The following RBFOX1 variants were observed in gnomAD, a reference collection of about 807,000 sequenced individuals.
RBFOX1 encodes RNA binding fox-1 homolog 1.
A neutral mutation model predicts 57.7 loss-of-function variants in RBFOX1; 8 were observed. The observed-to-expected ratio is 0.14, with a 90% CI of 0.08 to 0.25. The LOEUF (loss-of-function observed/expected upper bound fraction) is 0.25. RBFOX1 is among the 10% of genes least tolerant of loss of function. The pLI, the probability that RBFOX1 is intolerant of heterozygous loss-of-function variation, is 1.00. For synonymous variants in RBFOX1, 326 were observed against 222.4 expected, an observed-to-expected ratio of 1.47 and a Z score of -4.15; for missense variants, 611 against 548.5, an observed-to-expected ratio of 1.11 and a Z score of -1.14.
At chr16:6,918,773 C>G (rs1193235938) in intron 3 of RBFOX1, among the ~76,000 whole-genome samples, 1 of 152,068 alleles carries the variant, frequency 6.6e-6, no homozygotes, top group Admixed American at 6.6e-5. Flanking sequence ...GTTAATTAAT[C>G]TTGGGCATAG....
In RBFOX1 at chr16:6,458,387, AT is replaced by A. The variant is rs1443116727; in HGVS notation, c.-64+141332del. Among the ~76,000 whole-genome samples the A allele has an allele frequency of 4.3e-4, 65 of 152,204 alleles. 1 individual carries two copies. Among genetic ancestry groups the A allele is most frequent in the Non-Finnish European group, 2.4e-4 (16 of 68,040 alleles). ...CCTCTAAGGCTTCATTTCTCCATCT[AT>A]TAATGAAGATAGCCGTAGAACCAGA... On this transcript the variant is annotated intron_variant, in intron 2 of 15. Transcript: ENST00000550418.
chr16:6,332,396 G>T (rs2083148376), intron 2 of RBFOX1, among the ~76,000 whole-genome samples: 1 of 152,122 alleles, frequency 6.6e-6, no homozygotes, highest in South Asian at 2.1e-4. Flanking sequence ...CAAAATTTCA[G>T]AACATATGAA....
intron 1 of RBFOX1, among the ~76,000 whole-genome samples, chr16:5,300,587 A>AT (rs556318451): frequency 6.2e-4 from 95 of 152,260 alleles, no homozygotes; most frequent in Admixed American, 1.7e-3. Context: ...TATATTATTT[A>AT]TTTTTTAAAG....
intron 3 of RBFOX1, among the ~76,000 whole-genome samples, chr16:6,777,400 G>A (rs964590420): frequency 9.9e-5 from 15 of 152,028 alleles, no homozygotes; most frequent in Admixed American, 3.9e-4. Context: ...GCAGGCGCTC[G>A]GGGAATGGAA....
chr16:5,590,171 C>A (rs62016886), intron 2 of RBFOX1, among the ~76,000 whole-genome samples: 1 of 151,512 alleles, frequency 6.6e-6, no homozygotes, highest in Non-Finnish European at 1.5e-5. Context: ...CTTTTTTTTC[C>A]TGCAGTCTGA....
At chr16:6,129,387 G>T (rs1234985218) in intron 1 of RBFOX1, among the ~76,000 whole-genome samples, 2 of 152,098 alleles carry the variant, frequency 1.3e-5, no homozygotes, top group Non-Finnish European at 2.9e-5. Flanking sequence ...AATAAGCAAG[G>T]CACTTGAACA....
At chr16:6,877,778 A>C (rs960996151) in intron 3 of RBFOX1, among the ~76,000 whole-genome samples, 2 of 152,016 alleles carry the variant, frequency 1.3e-5, no homozygotes, top group African/African-American at 4.8e-5. Context: ...AAATTGCTTT[A>C]ACGCATGCAG....
chr16:5,781,076 A>G (rs1253043571), intron 3 of RBFOX1, among the ~76,000 whole-genome samples: 1 of 152,134 alleles, frequency 6.6e-6, no homozygotes, highest in African/African-American at 2.4e-5. Context: ...ACTTTTAAAA[A>G]CCATTCTCCT....
chr16:7,583,229 T>C (rs982935971), intron 6 of RBFOX1, among the ~76,000 whole-genome samples: 1 of 151,536 alleles, frequency 6.6e-6, no homozygotes, highest in Non-Finnish European at 1.5e-5. Flanking sequence ...GCAGAAGCCA[T>C]CGTCTTTTAA....
chr16:5,848,819 G>A (rs183304341), intron 3 of RBFOX1, among the ~76,000 whole-genome samples: 73 of 152,118 alleles, frequency 4.8e-4, no homozygotes, highest in Non-Finnish European at 8.4e-4. Context: ...CATGGTGGCG[G>A]ACACCTGTAA....
At chr16:7,665,297 C>G (rs73492760) in intron 13 of RBFOX1, among the ~76,000 whole-genome samples, 1 of 152,138 alleles carries the variant, frequency 6.6e-6, no homozygotes, top group Non-Finnish European at 1.5e-5. Context: ...ATATGTTCTT[C>G]GTTTTCAGTA....
intron 4 of RBFOX1, among the ~76,000 whole-genome samples, chr16:7,374,624 G>A (rs149599547): frequency 4.9e-4 from 74 of 152,236 alleles, no homozygotes; most frequent in African/African-American, 1.7e-3. Flanking sequence ...TGATTGTCAT[G>A]TCCAAACTAA....
At chr16:5,406,309 C>T (rs560185404) in intron 1 of RBFOX1, among the ~76,000 whole-genome samples, 136 of 152,062 alleles carry the variant, frequency 8.9e-4, no homozygotes, top group African/African-American at 3.2e-3. Context: ...TGGGTGAGTG[C>T]CATCCAATCC....
intron 3 of RBFOX1, among the ~76,000 whole-genome samples, chr16:5,848,838 C>G (rs1486584563): frequency 6.6e-6 from 1 of 151,754 alleles, no homozygotes; most frequent in East Asian, 1.9e-4. Flanking sequence ...AATACTAGCT[C>G]CTTGGGAGGC....
chr16:5,774,931 C>T (rs1031909750), intron 3 of RBFOX1, among the ~76,000 whole-genome samples: 1 of 152,266 alleles, frequency 6.6e-6, no homozygotes, highest in East Asian at 1.9e-4. Flanking sequence ...GATCCACCCA[C>T]TTCGGCCTCC....
chr16:5,312,923 C>G (rs907940060), intron 1 of RBFOX1, among the ~76,000 whole-genome samples: 16 of 152,154 alleles, frequency 1.1e-4, no homozygotes, highest in African/African-American at 3.9e-4. Flanking sequence ...CACATGGTGC[C>G]TCTGTTTGGC....
At position 7,709,122 on chromosome 16, in the gene RBFOX1, T is replaced by C. The variant is rs1568611039; in HGVS notation, c.1062T>C (p.Val354=). ...TTGCTCCAGCCCCCACCTACGGCGT[T>C]GGTGCCATGGTGAGTACAAGTTTCT... is the stretch of plus-strand genomic sequence containing the variant. ...HALAPAPTYG[V]GAMNAFAPLT... The change falls in exon 15 of 16, where the codon GTT becomes GTC. Residue 354 remains valine, a synonymous_variant. Transcript: ENST00000550418. 6.2e-7 allele frequency: 1 copy of C among 1,612,540 alleles called. No homozygotes were observed. Among genetic ancestry groups the C allele is most frequent in the Non-Finnish European group, 8.5e-7 (1 of 1,178,876 alleles).
rs74822357 is a variant in RBFOX1, at chr16:7,506,772, T to G, written c.28-11375T>G. Among the ~76,000 whole-genome samples, 156 of 138,120 alleles carry G rather than the reference T, an allele frequency of 1.1e-3. 3 individuals are homozygous for G. The East Asian group carries it at 0.029, about 26-fold the overall frequency. 90.6% of individuals were successfully genotyped at this position (138,120 alleles called of 152,430 possible). ...CATTTGTTTAGCACCTCAGTTTTCT[T>G]ATCTGCCAAAGGTACCATAATGAGG... On this transcript the variant is annotated intron_variant, in intron 4 of 15. Transcript: ENST00000550418.
At chr16:5,357,289 A>G (rs2065417661) in intron 1 of RBFOX1, among the ~76,000 whole-genome samples, 1 of 152,200 alleles carries the variant, frequency 6.6e-6, no homozygotes, top group Admixed American at 6.5e-5. Flanking sequence ...CCAGTCAGAG[A>G]CCTGTAATCA....
Sources: gnomAD v4.1 joint callset for allele counts (sites outside exome capture counted in the v4.1 genomes callset) on GRCh38, gnomAD v4.1.1 for gene constraint, MANE v1.5 for transcripts, NCBI Gene and HGNC (gene_info 2026-07-23, HGNC 2026-07-21) for gene names.